Variants in FBXL2 observed in about 807,000 individuals in gnomAD.
FBXL2 encodes the protein F-box/LRR-repeat protein 2.
FBXL2 carries 38 observed loss-of-function variants against 69.2 expected under a neutral mutation model. The ratio of observed to expected loss-of-function variants is 0.55; its 90% CI spans 0.42 to 0.72. The LOEUF (loss-of-function observed/expected upper bound fraction) is 0.72. FBXL2 is among the 30% of genes least tolerant of loss of function. The pLI is 0.00. For synonymous variants in FBXL2, 192 were observed against 201.3 expected, an observed-to-expected ratio of 0.95 and a Z score of 0.39; for missense variants, 354 against 520.3, an observed-to-expected ratio of 0.68 and a Z score of 3.11.
At chr3:33,353,135 G>C (rs1452711877) in intron 2 of FBXL2, among the ~76,000 whole-genome samples, 1 of 152,124 alleles carries the variant, frequency 6.6e-6, no homozygotes, top group Non-Finnish European at 1.5e-5. Context: ...AATACAAAAT[G>C]GTGGTAAGAT....
At chr3:33,349,871 T>C (rs2040707821) in intron 2 of FBXL2, among the ~76,000 whole-genome samples, 1 of 152,138 alleles carries the variant, frequency 6.6e-6, no homozygotes, top group Non-Finnish European at 1.5e-5. Context: ...TGAATAGGCA[T>C]ATATAATAAA....
Position 33,277,486 on chromosome 3 carries a change from T to A in FBXL2, c.-27T>A. The A allele has an allele frequency of 7.7e-7, 1 of 1,295,116 alleles. No individual in the cohort carries two copies. The allele number at this position is 1,295,116 out of a possible 1,614,324, so 80.2% of individuals were successfully genotyped here. The stretch of plus-strand genomic sequence containing the variant: ...TCGCCGGCGCCGTGTGACTTCGGGC[T>A]GTGGGCTCGCTCGCGGCTCTTCGGC... On this transcript the variant is annotated 5_prime_UTR_variant, in exon 1 of 15. Transcript: ENST00000484457.
the FBXL2 span, among the ~76,000 whole-genome samples, chr3:33,416,270 G>A: frequency 6.6e-6 from 1 of 152,192 alleles, no homozygotes; most frequent in Non-Finnish European, 1.5e-5. Flanking sequence ...GAGGGGCCAG[G>A]GGGCAGGGAT....
chr3:33,391,511 G>A (rs903447072), downstream of FBXL2: 1 of 152,148 alleles, frequency 6.6e-6, no homozygotes, highest in African/African-American at 2.4e-5. Context: ...CCTCTTCTCT[G>A]AGCCCCAGAC....
intron 2 of FBXL2, among the ~76,000 whole-genome samples, chr3:33,342,752 G>A (rs1412911445): frequency 1.2e-5 from 1 of 80,720 alleles, no homozygotes; most frequent in Non-Finnish European, 2.1e-5. Flanking sequence ...TTGAGACAGA[G>A]TCTCGCTCTG....
intron 1 of FBXL2, among the ~76,000 whole-genome samples, chr3:33,283,277 A>G (rs1314518698): frequency 2.0e-5 from 3 of 152,184 alleles, no homozygotes; most frequent in Non-Finnish European, 2.9e-5. Context: ...AATTTTGTCA[A>G]AGGCCTTTTC....
intron 2 of FBXL2, among the ~76,000 whole-genome samples, chr3:33,300,731 C>T (rs1214360475): frequency 2.8e-5 from 4 of 143,900 alleles, no homozygotes; most frequent in Admixed American, 7.0e-5. Flanking sequence ...TTTTTTGAGA[C>T]GGAGTCTCGC....
chr3:33,404,995 G>A (rs2044378546), downstream of FBXL2, among the ~76,000 whole-genome samples: 2 of 152,090 alleles, frequency 1.3e-5, no homozygotes, highest in African/African-American at 4.8e-5. Flanking sequence ...TGTAGGATTT[G>A]TTGTTTTGAT....
downstream of FBXL2, chr3:33,390,734 A>AG (rs1011194913): frequency 6.1e-5 from 14 of 231,034 alleles, no homozygotes; most frequent in Non-Finnish European, 9.4e-5. Context: ...AGAGGACCTG[A>AG]GGGAGTAAAT....
intron 13 of FBXL2, among the ~76,000 whole-genome samples, chr3:33,379,147 A>G (rs1575405719): frequency 1.3e-5 from 2 of 151,854 alleles, no homozygotes; most frequent in Admixed American, 6.6e-5. Flanking sequence ...GATTACAAAC[A>G]TGCGCCACCA....
the FBXL2 span, among the ~76,000 whole-genome samples, chr3:33,420,531 C>T: frequency 7.0e-6 from 1 of 142,922 alleles, no homozygotes; most frequent in East Asian, 2.1e-4. Flanking sequence ...ACACTGCCAT[C>T]AGGCTGGAGT....
chr3:33,303,001 G>A (rs2036417782), intron 2 of FBXL2: 5 of 452,974 alleles, frequency 1.1e-5, no homozygotes, highest in African/African-American at 2.0e-5. Context: ...TCCTTGGCAA[G>A]CAGTACAGTA....
chr3:33,295,621 G>T (rs2035658838), intron 1 of FBXL2, among the ~76,000 whole-genome samples: 1 of 152,150 alleles, frequency 6.6e-6, no homozygotes, highest in Non-Finnish European at 1.5e-5. Context: ...GAGTTGCTGG[G>T]TCATATGGTA....
chr3:33,328,888 T>C (rs989334099), intron 2 of FBXL2, among the ~76,000 whole-genome samples: 7 of 151,622 alleles, frequency 4.6e-5, no homozygotes, highest in Admixed American at 4.6e-4. Flanking sequence ...TGGGATTACA[T>C]CAAGCTAAAA....
chr3:33,396,859 G>A (rs777693466), intron 12 of FBXL2: 1 of 692,282 alleles, frequency 1.4e-6, no homozygotes, highest in South Asian at 1.5e-5. Context: ...ATCAGTGCCT[G>A]CATCATATCT....
downstream of FBXL2, among the ~76,000 whole-genome samples, chr3:33,407,944 T>C (rs1055764979): frequency 1.3e-5 from 2 of 152,212 alleles, no homozygotes; most frequent in African/African-American, 2.4e-5. Context: ...TGAAGAGTCA[T>C]GTCATAAAAT....
At chr3:33,352,893 T>TCAAAA (rs61461877) in intron 2 of FBXL2, among the ~76,000 whole-genome samples, 28,221 of 149,418 alleles carry the variant, frequency 0.19, 3,841 homozygotes, top group African/African-American at 0.38. Context: ...AGACTCTGTC[T>TCAAAA]CAAAACAAAA....
At position 33,310,715 on chromosome 3, in the gene FBXL2, A is replaced by G. The variant is rs530957165; in HGVS notation, c.65+12990A>G. On this transcript the variant is annotated intron_variant, in intron 2 of 14. Coordinates refer to ENST00000484457, the MANE Select transcript of FBXL2 (RefSeq NM_012157.5). Reference sequence around the variant, plus strand: ...AAGTCTGTCTCTCCTTCATTTCTGAAGGACAGCTTTGCCTGGGTAAAGTAT... The same window carrying G: ...AAGTCTGTCTCTCCTTCATTTCTGAGGGACAGCTTTGCCTGGGTAAAGTAT... Among the ~76,000 whole-genome samples the G allele has an allele frequency of 2.0e-5, 3 of 152,096 alleles. No individual in the cohort carries two copies. In the East Asian group the frequency reaches 5.8e-4, roughly 29 times the overall value.
chr3:33,395,191 A>C (rs2043926682), intron 12 of FBXL2, among the ~76,000 whole-genome samples: 1 of 152,208 alleles, frequency 6.6e-6, no homozygotes, highest in South Asian at 2.1e-4. Context: ...TTTGAAGTCA[A>C]AATAATACCA....
Sources: gnomAD v4.1 joint callset for allele counts (sites outside exome capture counted in the v4.1 genomes callset) on GRCh38, gnomAD v4.1.1 for gene constraint, MANE v1.5 for transcripts, NCBI Gene and HGNC (gene_info 2026-07-23, HGNC 2026-07-21) for gene names.